The following ADK variants were observed in gnomAD, a reference collection of about 807,000 sequenced individuals.
ADK encodes the protein adenosine kinase, also known as N6,N6-dimethyladenosine kinase.
Under a neutral mutation model 44.7 loss-of-function variants are expected in ADK, and 24 were observed. The ratio of observed to expected loss-of-function variants is 0.54; its 90% CI spans 0.39 to 0.76. The LOEUF (loss-of-function observed/expected upper bound fraction) is 0.76. ADK is among the 30% of genes least tolerant of loss of function. The pLI is 0.00. For synonymous variants in ADK, 128 were observed against 142.6 expected, an observed-to-expected ratio of 0.90 and a Z score of 0.73; for missense variants, 321 against 425.1, an observed-to-expected ratio of 0.76 and a Z score of 2.15.
chr10:74,524,943 C>T (rs936350685), intron 6 of ADK, among the ~76,000 whole-genome samples: 9 of 152,096 alleles, frequency 5.9e-5, no homozygotes, highest in African/African-American at 1.4e-4. Flanking sequence ...TTCCCTAATT[C>T]GAATGTAATT....
At chr10:74,489,129 A>G (rs1001476170) in intron 6 of ADK, among the ~76,000 whole-genome samples, 1 of 151,982 alleles carries the variant, frequency 6.6e-6, no homozygotes, top group Non-Finnish European at 1.5e-5. Flanking sequence ...GGCTTTGAGT[A>G]GTGAAGATGT....
At chr10:74,646,410 T>A (rs1854056673) in intron 9 of ADK, among the ~76,000 whole-genome samples, 1 of 152,174 alleles carries the variant, frequency 6.6e-6, no homozygotes, top group Non-Finnish European at 1.5e-5. Flanking sequence ...TTAGAATTAA[T>A]CATGAGTAAT....
At chr10:74,668,058 A>C (rs956195251) in intron 9 of ADK, among the ~76,000 whole-genome samples, 4 of 152,194 alleles carry the variant, frequency 2.6e-5, no homozygotes, top group African/African-American at 7.2e-5. Flanking sequence ...TTTTATAGAC[A>C]TGTTAGATTA....
intron 10 of ADK, among the ~76,000 whole-genome samples, chr10:74,705,185 A>C (rs1172320785): frequency 6.6e-6 from 1 of 152,114 alleles, no homozygotes; most frequent in African/African-American, 2.4e-5. Flanking sequence ...ATTAACCTTC[A>C]TCCCCCTCAG....
intron 6 of ADK, among the ~76,000 whole-genome samples, chr10:74,420,031 A>G (rs1844504100): frequency 6.6e-6 from 1 of 152,184 alleles, no homozygotes; most frequent in Admixed American, 6.6e-5. Flanking sequence ...ATCACCCCAG[A>G]CACTGCCACC....
chr10:74,575,620 G>A (rs1483829154), intron 7 of ADK, among the ~76,000 whole-genome samples: 1 of 152,180 alleles, frequency 6.6e-6, no homozygotes, highest in Non-Finnish European at 1.5e-5. Context: ...ATTCTAGTTT[G>A]AGTGGCACCT....
At chr10:74,297,109 GT>G (rs1197946595) in intron 3 of ADK, among the ~76,000 whole-genome samples, 1 of 152,106 alleles carries the variant, frequency 6.6e-6, no homozygotes, top group Non-Finnish European at 1.5e-5. Context: ...CTCCAGGAAA[GT>G]TTTTTTGCAG....
chr10:74,665,584 A>G (rs533961357), intron 9 of ADK, among the ~76,000 whole-genome samples: 1 of 152,026 alleles, frequency 6.6e-6, no homozygotes, highest in Admixed American at 6.5e-5. Context: ...AAAATTTAAA[A>G]ATTAGCCAGG....
At chr10:74,475,661 A>G (rs1846802741) in intron 6 of ADK, among the ~76,000 whole-genome samples, 1 of 152,102 alleles carries the variant, frequency 6.6e-6, no homozygotes, top group Non-Finnish European at 1.5e-5. Flanking sequence ...AGCCATGATC[A>G]TGACACTGCA....
chr10:74,393,965 A>G (rs779216987), intron 4 of ADK, among the ~76,000 whole-genome samples, 176 bp from the exon 5 acceptor site: 1 of 152,188 alleles, frequency 6.6e-6, no homozygotes, highest in Non-Finnish European at 1.5e-5. Context: ...AAGATATTAC[A>G]TGGTTGTTAT....
chr10:74,290,381 G>A (rs571294373), intron 3 of ADK, among the ~76,000 whole-genome samples: 1 of 152,116 alleles, frequency 6.6e-6, no homozygotes, highest in African/African-American at 2.4e-5. Flanking sequence ...TGCAAAATAA[G>A]TATCCGTGAT....
At chr10:74,583,132 A>G (rs1422439198) in intron 7 of ADK, among the ~76,000 whole-genome samples, 1 of 152,218 alleles carries the variant, frequency 6.6e-6, no homozygotes, top group Non-Finnish European at 1.5e-5. Flanking sequence ...GGACAGCATG[A>G]GAAAATATTT....
At position 74,519,834 on chromosome 10, in the gene ADK, C is replaced by T. The variant is rs556524200; in HGVS notation, c.556-5422C>T. Among the ~76,000 whole-genome samples the T allele has an allele frequency of 1.0e-3, 155 of 151,934 alleles. 1 individual carries two copies. Among genetic ancestry groups the T allele is most frequent in the African/African-American group, 3.4e-3 (142 of 41,528 alleles). The stretch of plus-strand genomic sequence containing the variant: ...TTTCTTTGTGGACTAAAGATACTAA[C>T]GCTTTGTCTTGTTTTTCCTCATCTT... On this transcript the variant is annotated intron_variant, in intron 6 of 10. Transcript: ENST00000539909.
At chr10:74,475,057 A>G (rs1339049347) in intron 6 of ADK, among the ~76,000 whole-genome samples, 3 of 151,894 alleles carry the variant, frequency 2.0e-5, no homozygotes, top group Non-Finnish European at 4.4e-5. Context: ...CCCGGGAGGC[A>G]GAGGTTTCAG....
At chr10:74,497,545 T>C (rs73272258) in intron 6 of ADK, among the ~76,000 whole-genome samples, 4,567 of 152,322 alleles carry the variant, frequency 0.03, 199 homozygotes, top group African/African-American at 0.092. Context: ...GGCATGGTTC[T>C]AGGGATATGG....
intron 4 of ADK, among the ~76,000 whole-genome samples, chr10:74,350,205 TAACA>T (rs1305735994): frequency 3.3e-5 from 5 of 152,108 alleles, no homozygotes; most frequent in Admixed American, 6.5e-5. Flanking sequence ...ATGGAAATCA[TAACA>T]AACAGTCTCT....
intron 1 of ADK, among the ~76,000 whole-genome samples, chr10:74,180,246 T>C (rs1437019536): frequency 6.7e-6 from 1 of 149,012 alleles, no homozygotes; most frequent in Non-Finnish European, 1.5e-5. Flanking sequence ...TTATTATTAA[T>C]TATTATTTTG....
chr10:74,482,580 A>T (rs113691999), intron 6 of ADK, among the ~76,000 whole-genome samples: 1 of 152,142 alleles, frequency 6.6e-6, no homozygotes, highest in African/African-American at 2.4e-5. Flanking sequence ...CATTAACTCA[A>T]AAGTCCACAA....
At chr10:74,294,247 G>A (rs1365056484) in intron 3 of ADK, among the ~76,000 whole-genome samples, 2 of 151,194 alleles carry the variant, frequency 1.3e-5, no homozygotes, top group East Asian at 1.9e-4. Flanking sequence ...ACATTCTTGG[G>A]TGTGTCTTTT....
Sources: gnomAD v4.1 joint callset for allele counts (sites outside exome capture counted in the v4.1 genomes callset) on GRCh38, gnomAD v4.1.1 for gene constraint, MANE v1.5 for transcripts, NCBI Gene and HGNC (gene_info 2026-07-23, HGNC 2026-07-21) for gene names.